The following OR52I2 variants were observed in gnomAD, a reference collection of about 807,000 sequenced individuals.
OR52I2 encodes the protein olfactory receptor family 52 subfamily I member 2, also known as olfactory receptor 52I2.
For missense variants in OR52I2, 350 were observed against 402.4 expected (o/e 0.87, Z 1.11); for synonymous variants, 147 against 151.9 (o/e 0.97, Z 0.24).
chr11:4,586,931 C>A lies in OR52I2; in HGVS notation c.41C>A (p.Ala14Asp), dbSNP rs879160554. 3.1e-6 allele frequency: 5 copies of A among 1,614,016 alleles called. No individual in the cohort carries two copies. In the South Asian group the frequency reaches 5.5e-5, roughly 18 times the overall value. Residue 14 changes from alanine (A) to aspartate (D), a missense_variant, in exon 2 of 2, where the codon GCC becomes GAC. By Grantham distance (126) the Ala-to-Asp change is moderately radical. Coordinates refer to ENST00000641896, the Ensembl canonical transcript of OR52I2. ...TATAACCACACAATGGAAACCCCTGCCTCCTTCCTCCTTGTGGGTATCCCA... is the reference window on the plus strand; with the variant it reads ...TATAACCACACAATGGAAACCCCTGACTCCTTCCTCCTTGTGGGTATCCCA...
rs752725195 is a variant in OR52I2, at chr11:4,587,773, A to G, written c.883A>G (p.Ile295Val). 6.2e-7 allele frequency: 1 copy of G among 1,614,156 alleles called. No homozygotes were observed. The highest frequency in any genetic ancestry group is 1.1e-5 in the South Asian group (1 of 91,082). Residue 295 changes from isoleucine (I) to valine (V), a missense_variant, in exon 2 of 2, where the codon ATC becomes GTC. Ile to Val is a conservative substitution (Grantham distance 29). Transcript: ENST00000641896. ...GATCATCCCAGCCACCTTAAATCCC[A>G]TCATCTATGGCATGAGGACCAAACA...
At chr11:4,587,637 G>C (rs771750134) in exon 2 of OR52I2, 1 of 1,614,134 alleles carries the variant, frequency 6.2e-7, no homozygotes, top group Admixed American at 1.7e-5. Flanking sequence ...GCTCCCATGT[G>C]GGGGTTATGG....
At chr11:4,586,073 T>A (rs1159259791) in intron 1 of OR52I2, among the ~76,000 whole-genome samples, 1 of 152,204 alleles carries the variant, frequency 6.6e-6, no homozygotes, top group Non-Finnish European at 1.5e-5. Flanking sequence ...TCCCAAGGTT[T>A]TCTTTGTAGT....
intron 1 of OR52I2, among the ~76,000 whole-genome samples, chr11:4,584,590 T>C (rs1179433565): frequency 2.0e-5 from 3 of 152,190 alleles, no homozygotes; most frequent in Admixed American, 1.3e-4. Context: ...TAGGCTTTCT[T>C]ATTAAAGATG....
exon 2 of OR52I2, chr11:4,587,599 G>A (rs1846316697): frequency 3.7e-6 from 6 of 1,614,076 alleles, no homozygotes; most frequent in Non-Finnish European, 5.1e-6. Context: ...CTCAAAGACT[G>A]CTCAGTTGAA....
rs767281956 is a variant in OR52I2 at position 4,587,833 on chromosome 11, G to T, written c.943G>T (p.Val315Phe). 6.2e-6 allele frequency: 10 copies of T among 1,614,020 alleles called. No individual in the cohort carries two copies. In the Admixed American group the frequency reaches 1.2e-4, roughly 19 times the overall value. Residue 315 changes from valine to phenylalanine, a missense_variant, in exon 2 of 2, where the codon GTC becomes TTC. By Grantham distance (50) the Val-to-Phe change is conservative. Transcript: ENST00000641896. ...GAGAATATGGAGTTATCTGATGCAT[G>T]TCCTCTTTGACCATTCCAACCTGGG... is the stretch of plus-strand genomic sequence containing the variant.
At position 4,582,538 on chromosome 11, in the gene OR52I2, C is replaced by T. The variant is rs909564738; in HGVS notation, c.-20+674C>T. On this transcript the variant is annotated intron_variant, in intron 1 of 1. Transcript: ENST00000641896. ...CACTGCAGCCTCCACCTTCCAGATT[C>T]AAGCAATTTTCATGCCTCAGCCTCC... Among the ~76,000 whole-genome samples, 11 of 133,564 alleles carry T rather than the reference C, an allele frequency of 8.2e-5. No homozygotes were observed. In the South Asian group the frequency reaches 9.9e-4, roughly 12 times the overall value. 87.6% of individuals were successfully genotyped at this position (133,564 alleles called of 152,430 possible). A position where few individuals can be genotyped will look rare whatever the true frequency, so the allele number is the denominator to read the frequency against.
chr11:4,584,230 A>T (rs928030561), intron 1 of OR52I2, among the ~76,000 whole-genome samples: 3 of 152,228 alleles, frequency 2.0e-5, no homozygotes, highest in Admixed American at 2.0e-4. Context: ...CACCTAAGAC[A>T]GTTCTTGGGC....
At chr11:4,586,165 C>G in intron 1 of OR52I2, among the ~76,000 whole-genome samples, 1 of 152,118 alleles carries the variant, frequency 6.6e-6, no homozygotes, top group East Asian at 1.9e-4. Context: ...TTTCCAGGTA[C>G]TTTATTATCT....
chr11:4,583,923 G>C (rs1846279478), intron 1 of OR52I2, among the ~76,000 whole-genome samples: 1 of 152,186 alleles, frequency 6.6e-6, no homozygotes, highest in Admixed American at 6.5e-5. Flanking sequence ...TTTTGGTTAG[G>C]ATTAAGAACC....
chr11:4,584,475 G>A (rs1378106388), intron 1 of OR52I2, among the ~76,000 whole-genome samples: 1 of 152,174 alleles, frequency 6.6e-6, no homozygotes, highest in Non-Finnish European at 1.5e-5. Context: ...AGTTGAAGTA[G>A]CAATTTAGCC....
intron 1 of OR52I2, 27 bp from the exon 2 acceptor site, chr11:4,586,845 T>C (rs1291617346): frequency 6.2e-7 from 1 of 1,614,096 alleles, no homozygotes; most frequent in South Asian, 1.1e-5. Context: ...ATTGCATTCT[T>C]CTCATACATC....
chr11:4,588,238 C>T (rs1846324024), exon 2 of OR52I2: 2 of 224,230 alleles, frequency 8.9e-6, no homozygotes, highest in African/African-American at 2.3e-5. Context: ...TCTTCATGAA[C>T]AGCTATGTGT....
At chr11:4,584,961 A>G (rs1846287988) in intron 1 of OR52I2, among the ~76,000 whole-genome samples, 1 of 152,168 alleles carries the variant, frequency 6.6e-6, no homozygotes, top group African/African-American at 2.4e-5. Flanking sequence ...TATTAGCTAC[A>G]TTTTATTGAG....
At chr11:4,583,872 T>C (rs753115646) in intron 1 of OR52I2, among the ~76,000 whole-genome samples, 2 of 152,202 alleles carry the variant, frequency 1.3e-5, no homozygotes, top group Non-Finnish European at 2.9e-5. Context: ...CAATCAGTGC[T>C]AGGCTTTCTA....
intron 1 of OR52I2, chr11:4,586,671 T>C: frequency 8.5e-6 from 6 of 709,668 alleles, no homozygotes; most frequent in South Asian, 1.9e-5. Flanking sequence ...CATGAGCTGA[T>C]CCATGAACAA....
chr11:4,582,925 G>C (rs1846270725), intron 1 of OR52I2, among the ~76,000 whole-genome samples: 1 of 152,104 alleles, frequency 6.6e-6, no homozygotes, highest in Admixed American at 6.5e-5. Flanking sequence ...TTCCTACATA[G>C]GTGTGTTCAT....
exon 2 of OR52I2, chr11:4,588,179 TGCC>T: frequency 3.2e-6 from 1 of 314,792 alleles, no homozygotes; most frequent in South Asian, 5.4e-5. Flanking sequence ...TTCCTGCTCC[TGCC>T]TCACCAACTC....
chr11:4,588,059 T>C, exon 2 of OR52I2: 1 of 593,642 alleles, frequency 1.7e-6, no homozygotes, highest in East Asian at 2.8e-5. Flanking sequence ...TCAATCAACT[T>C]GTATCTGAAT....
Sources: gnomAD v4.1 joint callset for allele counts (sites outside exome capture counted in the v4.1 genomes callset) on GRCh38, gnomAD v4.1.1 for gene constraint, MANE v1.5 for transcripts, NCBI Gene and HGNC (gene_info 2026-07-23, HGNC 2026-07-21) for gene names.